The following GAREM1 variants were observed in gnomAD, a reference collection of about 807,000 sequenced individuals.
GAREM1 encodes the protein GRB2 associated regulator of MAPK1 subtype 1, also known as GRB2-associated and regulator of MAPK protein 1.
Under a neutral mutation model 71.3 loss-of-function variants are expected in GAREM1, and 26 were observed. The observed-to-expected ratio is 0.36, with a 90% CI of 0.27 to 0.51. The LOEUF is 0.51. Ranked by LOEUF, GAREM1 falls within the 20% of genes least tolerant of loss-of-function variation. The probability of loss-of-function intolerance (pLI) is 0.95; values close to 1 mark genes in which losing one functional copy is unlikely to be tolerated. For missense variants in GAREM1, 1,026 were observed against 1,103.1 expected, an observed-to-expected ratio of 0.93 and a Z score of 0.99; for synonymous variants, 440 against 433.2, an observed-to-expected ratio of 1.02 and a Z score of -0.20.
chr18:32,413,753 A>C (rs1027066554), intron 1 of GAREM1, among the ~76,000 whole-genome samples: 1 of 152,180 alleles, frequency 6.6e-6, no homozygotes, highest in Non-Finnish European at 1.5e-5. Context: ...TTCTTTTTAA[A>C]ACTCTAAAGA....
chr18:32,408,108 T>C (rs1030886041), intron 1 of GAREM1, among the ~76,000 whole-genome samples: 3 of 152,144 alleles, frequency 2.0e-5, no homozygotes, highest in South Asian at 2.1e-4. Context: ...TTCAAAATAA[T>C]TCCATTGGGT....
At chr18:32,327,841 T>C (rs2047488892) in intron 2 of GAREM1, among the ~76,000 whole-genome samples, 1 of 152,186 alleles carries the variant, frequency 6.6e-6, no homozygotes, top group Non-Finnish European at 1.5e-5. Context: ...GGAGGACATT[T>C]CGGGGCTTCA....
intron 1 of GAREM1, among the ~76,000 whole-genome samples, chr18:32,426,113 G>C (rs1214960442): frequency 1.3e-5 from 2 of 152,186 alleles, no homozygotes; most frequent in African/African-American, 4.8e-5. Context: ...CTGCCTCCCA[G>C]GTTCGAGCAA....
chr18:32,461,853 T>C (rs1239426680), intron 1 of GAREM1, among the ~76,000 whole-genome samples: 1 of 152,142 alleles, frequency 6.6e-6, no homozygotes, highest in Non-Finnish European at 1.5e-5. Context: ...AGTTTATGAG[T>C]CTTCCTAGAA....
At chr18:32,445,563 G>GT (rs1469683713) in intron 1 of GAREM1, among the ~76,000 whole-genome samples, 1 of 152,128 alleles carries the variant, frequency 6.6e-6, no homozygotes, top group African/African-American at 2.4e-5. Context: ...TATTGCTATA[G>GT]TAATATTTCA....
chr18:32,368,843 A>G (rs2047950856), intron 2 of GAREM1, among the ~76,000 whole-genome samples: 1 of 152,216 alleles, frequency 6.6e-6, no homozygotes, highest in Admixed American at 6.5e-5. Flanking sequence ...TTTCCTGGTA[A>G]TAACACCAGT....
chr18:32,423,835 T>C (rs558674088), intron 1 of GAREM1, among the ~76,000 whole-genome samples: 142 of 152,298 alleles, frequency 9.3e-4, no homozygotes, highest in Middle Eastern at 3.4e-3. Context: ...AGAGTATAGA[T>C]GTCTATTAAG....
rs562114238 is a variant in GAREM1 at position 32,325,005 on chromosome 18, T to G, written c.263-14682A>C. Among the ~76,000 whole-genome samples the G allele has an allele frequency of 5.9e-5, 9 of 152,272 alleles. No individual in the cohort carries two copies. In the South Asian group the frequency reaches 1.7e-3, roughly 28 times the overall value. On this transcript the variant is annotated intron_variant, in intron 2 of 5. Coordinates refer to ENST00000269209, the MANE Select transcript of GAREM1 (RefSeq NM_001242409.2). ...TCTTGCTGTGTAGCCCAGGCTGGAG[T>G]GCAGTGGTGCGATCTTGGCTCACTG...
At chr18:32,361,037 T>C (rs540334869) in intron 2 of GAREM1, among the ~76,000 whole-genome samples, 2 of 152,358 alleles carry the variant, frequency 1.3e-5, no homozygotes, top group South Asian at 4.1e-4. Flanking sequence ...AATGATAGAC[T>C]TGATTTTTTA....
chr18:32,297,319 T>G (rs999040703), intron 3 of GAREM1, among the ~76,000 whole-genome samples: 2 of 152,212 alleles, frequency 1.3e-5, no homozygotes, highest in East Asian at 1.9e-4. Context: ...TGCTTTTAGT[T>G]TTTTGAGCCT....
chr18:32,387,499 T>C (rs1352160042), intron 2 of GAREM1, among the ~76,000 whole-genome samples: 22 of 152,212 alleles, frequency 1.4e-4, no homozygotes, highest in Admixed American at 1.4e-3. Context: ...CTGTGATGTC[T>C]TTTGAATACA....
intron 3 of GAREM1, among the ~76,000 whole-genome samples, chr18:32,292,334 G>A (rs1567952151): frequency 6.6e-6 from 1 of 151,776 alleles, no homozygotes; most frequent in Non-Finnish European, 1.5e-5. Flanking sequence ...ACTTTTTGAT[G>A]GGGTTGTTTT....
At chr18:32,419,977 C>T (rs902179889) in intron 1 of GAREM1, among the ~76,000 whole-genome samples, 6 of 152,132 alleles carry the variant, frequency 3.9e-5, no homozygotes, top group African/African-American at 7.2e-5. Flanking sequence ...GGAAGAGCCA[C>T]GTAACAGTAT....
At chr18:32,367,986 T>C (rs903749623) in intron 2 of GAREM1, among the ~76,000 whole-genome samples, 1 of 152,142 alleles carries the variant, frequency 6.6e-6, no homozygotes. Context: ...AATACATCTA[T>C]TCACTTTTCT....
chr18:32,271,073 T>A (rs2041455615), intron 4 of GAREM1, among the ~76,000 whole-genome samples: 1 of 151,844 alleles, frequency 6.6e-6, no homozygotes, highest in South Asian at 2.1e-4. Context: ...ACCTGACTAA[T>A]TTTTTGTATT....
rs973077801 is a variant in GAREM1 at position 32,442,906 on chromosome 18, T to C, written c.121+27402A>G. On this transcript the variant is annotated intron_variant, in intron 1 of 5. Coordinates refer to ENST00000269209, the MANE Select transcript of GAREM1 (RefSeq NM_001242409.2). ...ATTTGCTACTGTAAAAGGGAACATGTGTATTCTTCAACTCACAATAGCATT... is the reference window on the plus strand; with the variant it reads ...ATTTGCTACTGTAAAAGGGAACATGCGTATTCTTCAACTCACAATAGCATT... Among the ~76,000 whole-genome samples the C allele has an allele frequency of 1.3e-5, 2 of 152,202 alleles. 1 individual carries two copies. The highest frequency in any genetic ancestry group is 4.1e-4 in the South Asian group (2 of 4,832).
At chr18:32,335,952 C>G (rs1343160255) in intron 2 of GAREM1, among the ~76,000 whole-genome samples, 3 of 152,162 alleles carry the variant, frequency 2.0e-5, no homozygotes, top group African/African-American at 7.2e-5. Context: ...ACGGAGTGCA[C>G]TGTAAGCAGC....
intron 1 of GAREM1, among the ~76,000 whole-genome samples, chr18:32,439,396 G>A (rs1422471627): frequency 6.6e-6 from 1 of 152,194 alleles, no homozygotes; most frequent in Non-Finnish European, 1.5e-5. Context: ...AATTGACTCA[G>A]ATCAAGAACC....
At chr18:32,430,004 G>A (rs2048608744) in intron 1 of GAREM1, among the ~76,000 whole-genome samples, 1 of 152,184 alleles carries the variant, frequency 6.6e-6, no homozygotes, top group South Asian at 2.1e-4. Context: ...TGAAGGACAT[G>A]ATATAACAAT....
Sources: allele counts gnomAD v4.1 joint callset (sites outside exome capture counted in the v4.1 genomes callset), GRCh38; gene constraint gnomAD v4.1.1; transcripts MANE v1.5; gene names NCBI Gene and HGNC (gene_info 2026-07-23, HGNC 2026-07-21).